Variants in NAV3 observed in about 807,000 individuals in gnomAD.
The protein encoded by NAV3 is neuron navigator 3, also known as pore membrane and/or filament interacting like protein 1.
In NAV3, 87 loss-of-function variants were observed where a neutral mutation model predicts 244.7. The observed-to-expected ratio is 0.36, with a 90% CI of 0.30 to 0.42. The LOEUF (loss-of-function observed/expected upper bound fraction) is 0.42. Among genes scored for constraint, NAV3 ranks in the 20% least tolerant of loss-of-function variants. The probability of loss-of-function intolerance (pLI) is 1.00; values close to 1 mark genes in which losing one functional copy is unlikely to be tolerated. For synonymous variants in NAV3, 1,126 were observed against 1,042.2 expected, an observed-to-expected ratio of 1.08 and a Z score of -1.55; for missense variants, 2,663 against 2,893.3, an observed-to-expected ratio of 0.92 and a Z score of 1.83.
intron 2 of NAV3, among the ~76,000 whole-genome samples, chr12:77,804,705 G>T (rs1871884451): frequency 6.6e-6 from 1 of 151,812 alleles, no homozygotes; most frequent in Non-Finnish European, 1.5e-5. Context: ...TTAATTCTGT[G>T]AATAAAGTCA....
chr12:78,071,308 G>C (rs1445198516), intron 12 of NAV3, among the ~76,000 whole-genome samples: 2 of 152,164 alleles, frequency 1.3e-5, no homozygotes, highest in Non-Finnish European at 2.9e-5. Context: ...GGCCAGTGAT[G>C]ATGAGTATCT....
intron 9 of NAV3, among the ~76,000 whole-genome samples, chr12:78,041,585 T>C (rs1309492141): frequency 6.6e-6 from 1 of 152,182 alleles, no homozygotes; most frequent in Non-Finnish European, 1.5e-5. Context: ...CATTTTGACC[T>C]GCTACTGGAA....
intron 1 of NAV3, among the ~76,000 whole-genome samples, chr12:77,840,883 T>C (rs1287429204): frequency 6.6e-6 from 1 of 152,184 alleles, no homozygotes; most frequent in African/African-American, 2.4e-5. Flanking sequence ...GCAGTCAAAA[T>C]CAATGTTATT....
intron 2 of NAV3, among the ~76,000 whole-genome samples, chr12:77,756,538 G>A (rs76492240): frequency 0.025 from 3,833 of 152,136 alleles, 169 homozygotes; most frequent in African/African-American, 0.088. Context: ...GCTCCTTTAG[G>A]AACTGTGTGG....
chr12:78,020,109 G>A lies in NAV3; in HGVS notation c.1908-1638G>A, dbSNP rs754553228. 2.0e-5 allele frequency among the ~76,000 whole-genome samples: 3 copies of A among 152,188 alleles called. No individual in the cohort carries two copies. In the East Asian group the frequency reaches 5.8e-4, roughly 29 times the overall value. ...TAGAATATTCCTTTGCTGAACTCCCGCTTCTGCTCTCTGTATCCCCACTTC... is the reference window on the plus strand; with the variant it reads ...TAGAATATTCCTTTGCTGAACTCCCACTTCTGCTCTCTGTATCCCCACTTC... On this transcript the variant is annotated intron_variant, in intron 8 of 39. Coordinates refer to ENST00000397909, the MANE Select transcript of NAV3 (RefSeq NM_001024383.2).
At chr12:77,894,694 A>G (rs1202294882) in intron 1 of NAV3, among the ~76,000 whole-genome samples, 1 of 152,214 alleles carries the variant, frequency 6.6e-6, no homozygotes, top group East Asian at 1.9e-4. Context: ...AAATGAGTGA[A>G]AAGCGCTGAG....
At chr12:77,817,373 T>A (rs1175709601) in intron 2 of NAV3, among the ~76,000 whole-genome samples, 2 of 152,206 alleles carry the variant, frequency 1.3e-5, no homozygotes, top group Non-Finnish European at 2.9e-5. Context: ...TTGCCAGAGA[T>A]GCTTTGTTTA....
intron 1 of NAV3, among the ~76,000 whole-genome samples, chr12:77,891,621 T>C (rs1211570820): frequency 6.6e-6 from 1 of 152,206 alleles, no homozygotes; most frequent in Non-Finnish European, 1.5e-5. Context: ...TAAAGTGACT[T>C]TAAAAAATGT....
intron 2 of NAV3, among the ~76,000 whole-genome samples, chr12:77,741,687 C>T (rs540593846): frequency 1.2e-4 from 18 of 151,974 alleles, no homozygotes; most frequent in Non-Finnish European, 1.5e-4. Context: ...AAAAGGGTGG[C>T]GCAATATAAA....
chr12:77,875,982 A>G (rs1881794040), intron 1 of NAV3, among the ~76,000 whole-genome samples: 1 of 152,012 alleles, frequency 6.6e-6, no homozygotes, highest in Non-Finnish European at 1.5e-5. Context: ...AAGGCATAGG[A>G]TAGATAGAAT....
chr12:77,874,259 C>T (rs1881514383), intron 1 of NAV3, among the ~76,000 whole-genome samples: 1 of 152,038 alleles, frequency 6.6e-6, no homozygotes. Flanking sequence ...CACTGTGTTG[C>T]CCAGGTTGGA....
At chr12:78,201,326 T>G (rs1959677170) in intron 38 of NAV3, among the ~76,000 whole-genome samples, 1 of 151,984 alleles carries the variant, frequency 6.6e-6, no homozygotes, top group African/African-American at 2.4e-5. Flanking sequence ...TTTTGACAAG[T>G]AGCTTTTGCT....
intron 1 of NAV3, among the ~76,000 whole-genome samples, chr12:77,891,719 C>A (rs1003379506): frequency 6.6e-6 from 1 of 152,194 alleles, no homozygotes; most frequent in Non-Finnish European, 1.5e-5. Context: ...AGGACTTGTA[C>A]ATGACCCCAA....
intron 2 of NAV3, among the ~76,000 whole-genome samples, chr12:77,788,528 G>A (rs1269464685): frequency 1.3e-5 from 2 of 151,824 alleles, no homozygotes; most frequent in Non-Finnish European, 2.9e-5. Flanking sequence ...GTGTCTTTCA[G>A]CTCTGAAAGT....
intron 20 of NAV3, among the ~76,000 whole-genome samples, chr12:78,145,785 G>A (rs1956840410): frequency 6.6e-6 from 1 of 152,082 alleles, no homozygotes; most frequent in Admixed American, 6.6e-5. Flanking sequence ...TTGCTGACTT[G>A]TGATAATTAA....
intron 1 of NAV3, among the ~76,000 whole-genome samples, chr12:77,848,528 T>G (rs1387960417): frequency 6.6e-6 from 1 of 152,202 alleles, no homozygotes; most frequent in Non-Finnish European, 1.5e-5. Flanking sequence ...CCTTGCTCCC[T>G]TCTATTGTAT....
intron 1 of NAV3, among the ~76,000 whole-genome samples, chr12:77,852,155 T>G (rs904954776): frequency 1.3e-5 from 2 of 152,092 alleles, no homozygotes; most frequent in African/African-American, 4.8e-5. Context: ...TTTTTGAGAG[T>G]AGGGATAGAT....
At chr12:78,141,277 G>A (rs941786711) in intron 20 of NAV3, among the ~76,000 whole-genome samples, 4 of 152,036 alleles carry the variant, frequency 2.6e-5, no homozygotes, top group Admixed American at 2.6e-4. Context: ...TTGACAAGGA[G>A]AGTTTTTCTG....
At chr12:77,659,628 A>G (rs539609441) in intron 2 of NAV3, among the ~76,000 whole-genome samples, 20 of 152,340 alleles carry the variant, frequency 1.3e-4, no homozygotes, top group African/African-American at 4.8e-4. Flanking sequence ...CCAAAGGACT[A>G]TAAATCATAC....
Sources: allele counts gnomAD v4.1 joint callset (sites outside exome capture counted in the v4.1 genomes callset), GRCh38; gene constraint gnomAD v4.1.1; transcripts MANE v1.5; gene names NCBI Gene and HGNC (gene_info 2026-07-23, HGNC 2026-07-21).